Variants in CDH18 observed in about 807,000 individuals in gnomAD.
CDH18 encodes cadherin-18.
CDH18 carries 31 observed loss-of-function variants against 67.9 expected under a neutral mutation model. The observed-to-expected ratio is 0.46, with a 90% CI of 0.34 to 0.62. CDH18 has a LOEUF of 0.62. Among genes scored for constraint, CDH18 ranks in the 20% least tolerant of loss-of-function variants. The pLI, the probability that CDH18 is intolerant of heterozygous loss-of-function variation, is 0.01. For synonymous variants in CDH18, 362 were observed against 347.2 expected (o/e 1.04, Z -0.48); for missense variants, 890 against 975.5 (o/e 0.91, Z 1.17).
chr5:19,994,738 T>TAG (rs869278538), intron 2 of CDH18, among the ~76,000 whole-genome samples: 1 of 13,568 alleles, frequency 7.4e-5, no homozygotes, highest in African/African-American at 3.0e-4. Context: ...TATATATATA[T>TAG]AGAGAGAGAG....
chr5:19,626,510 G>C (rs1237213938), intron 5 of CDH18, among the ~76,000 whole-genome samples: 1 of 152,100 alleles, frequency 6.6e-6, no homozygotes, highest in Non-Finnish European at 1.5e-5. Flanking sequence ...CCTTCAATTG[G>C]GATAGAGGTT....
chr5:19,933,837 C>T (rs1793960975), intron 2 of CDH18, among the ~76,000 whole-genome samples: 3 of 151,256 alleles, frequency 2.0e-5, no homozygotes, highest in Admixed American at 1.3e-4. Flanking sequence ...GGGTTCTTTC[C>T]TTTTTTGTCA....
chr5:20,211,203 A>G (rs1440400353), intron 2 of CDH18, among the ~76,000 whole-genome samples: 3 of 152,122 alleles, frequency 2.0e-5, no homozygotes, highest in South Asian at 4.1e-4. Context: ...GTGTAATGGG[A>G]GAGGGGCGTC....
intron 2 of CDH18, among the ~76,000 whole-genome samples, chr5:19,954,797 C>T (rs1561624140): frequency 6.6e-6 from 1 of 151,568 alleles, no homozygotes; most frequent in Non-Finnish European, 1.5e-5. Context: ...ACATACATTT[C>T]AAACTTACGT....
intron 8 of CDH18, among the ~76,000 whole-genome samples, chr5:19,566,230 A>C (rs938681591): frequency 6.6e-6 from 1 of 152,160 alleles, no homozygotes; most frequent in Non-Finnish European, 1.5e-5. Flanking sequence ...ATAACAAATG[A>C]TGGCAAAGGA....
At chr5:20,220,823 A>G (rs2126447280) in intron 2 of CDH18, among the ~76,000 whole-genome samples, 1 of 152,264 alleles carries the variant, frequency 6.6e-6, no homozygotes, top group African/African-American at 2.4e-5. Context: ...ATCTGAATAG[A>G]TATTTCTCAA....
At chr5:20,321,572 T>C (rs950354375) in intron 1 of CDH18, among the ~76,000 whole-genome samples, 2 of 152,168 alleles carry the variant, frequency 1.3e-5, no homozygotes, top group African/African-American at 4.8e-5. Flanking sequence ...CTATACTCTT[T>C]TCTATTTCAT....
chr5:19,852,844 T>G (rs1783863491), intron 2 of CDH18, among the ~76,000 whole-genome samples: 1 of 152,034 alleles, frequency 6.6e-6, no homozygotes, highest in South Asian at 2.1e-4. Flanking sequence ...ACATGTATTC[T>G]TCCTATATAA....
At chr5:19,810,326 G>A (rs1285697314) in intron 3 of CDH18, among the ~76,000 whole-genome samples, 3 of 151,326 alleles carry the variant, frequency 2.0e-5, no homozygotes, top group East Asian at 1.9e-4. Context: ...GTGAGACTCC[G>A]TCTCAAAAAA....
intron 1 of CDH18, among the ~76,000 whole-genome samples, chr5:20,443,209 C>CAAAAAAAAAA (rs72353299): frequency 3.9e-5 from 3 of 77,516 alleles, no homozygotes; most frequent in African/African-American, 5.5e-5. Context: ...GACTCCGTCA[C>CAAAAAAAAAA]AAAAAAAAAA....
chr5:19,969,607 C>T lies in CDH18; in HGVS notation c.-257+11453G>A, dbSNP rs528147014. On this transcript the variant is annotated intron_variant, in intron 2 of 12. Transcript: ENST00000382275. ...ACTATCACAAGGACAAAAAACCAAA[C>T]GCCGCATGTTCTCACTCATAGGTGG... 3.9e-3 allele frequency among the ~76,000 whole-genome samples: 591 copies of T among 150,564 alleles called. 3 individuals carry two copies. Among genetic ancestry groups the T allele is most frequent in the Non-Finnish European group, 6.2e-3 (419 of 67,724 alleles).
chr5:20,384,831 T>TTTAA (rs1381378343), intron 1 of CDH18, among the ~76,000 whole-genome samples: 1 of 152,120 alleles, frequency 6.6e-6, no homozygotes, highest in Non-Finnish European at 1.5e-5. Context: ...AGTAGTGTTA[T>TTTAA]TTATTTATTT....
At chr5:19,508,707 AGTTACT>A (rs980217769) in intron 10 of CDH18, among the ~76,000 whole-genome samples, 68 of 152,220 alleles carry the variant, frequency 4.5e-4, no homozygotes, top group Middle Eastern at 3.4e-3. Context: ...TGTTAATTAG[AGTTACT>A]GTTACTGTTA....
chr5:20,138,496 AT>A (rs1749943326), intron 2 of CDH18, among the ~76,000 whole-genome samples: 1 of 152,162 alleles, frequency 6.6e-6, no homozygotes, highest in Admixed American at 6.6e-5. Flanking sequence ...AATAAATGGA[AT>A]TCAATTAGGA....
chr5:19,705,118 C>T (rs903597284), intron 5 of CDH18, among the ~76,000 whole-genome samples: 4 of 152,312 alleles, frequency 2.6e-5, no homozygotes, highest in African/African-American at 9.6e-5. Flanking sequence ...GCTGAACTTA[C>T]TCGTAAAAAA....
Position 19,508,339 on chromosome 5 carries a change from T to C in CDH18, c.1513-5230A>G, listed in dbSNP as rs183617018. Among the ~76,000 whole-genome samples the C allele has an allele frequency of 6.7e-3, 1,020 of 152,212 alleles. 14 individuals are homozygous for C. Among genetic ancestry groups the C allele is most frequent in the African/African-American group, 0.022 (931 of 41,564 alleles). ...TTCCATCATCAAATTTTCTATCCCT[T>C]TGTCAGAATTCTGATTTATATCCAC... On this transcript the variant is annotated intron_variant, in intron 10 of 12. Transcript: ENST00000382275.
chr5:19,803,410 A>G (rs1432252065), intron 3 of CDH18, among the ~76,000 whole-genome samples: 1 of 152,220 alleles, frequency 6.6e-6, no homozygotes, highest in Admixed American at 6.5e-5. Context: ...ACATATTTAA[A>G]TTTAAAGTAA....
chr5:19,478,033 A>C (rs1387912379), intron 12 of CDH18, among the ~76,000 whole-genome samples: 1 of 152,118 alleles, frequency 6.6e-6, no homozygotes, highest in Non-Finnish European at 1.5e-5. Context: ...TTATATTATA[A>C]ATTAGAATAA....
chr5:19,581,705 T>C (rs572360521), intron 7 of CDH18, among the ~76,000 whole-genome samples: 3 of 152,166 alleles, frequency 2.0e-5, no homozygotes, highest in Admixed American at 6.6e-5. Context: ...ATACATAAAA[T>C]TGTCATCTTA....
Sources: gnomAD v4.1 joint callset for allele counts (sites outside exome capture counted in the v4.1 genomes callset) on GRCh38, gnomAD v4.1.1 for gene constraint, MANE v1.5 for transcripts, NCBI Gene and HGNC (gene_info 2026-07-23, HGNC 2026-07-21) for gene names.